CDC42BPB: variants seen among roughly 807,000 people sequenced by gnomAD.
CDC42BPB encodes CDC42 binding protein kinase beta, also known as serine/threonine-protein kinase MRCK beta.
In CDC42BPB, 37 loss-of-function variants were observed where a neutral mutation model predicts 214.9. That is an observed-to-expected ratio of 0.17 (90% confidence interval 0.13 to 0.23). CDC42BPB has a LOEUF of 0.23. CDC42BPB is among the 10% of genes least tolerant of loss of function. The pLI is 1.00. For missense variants in CDC42BPB, 1,694 were observed against 2,227.0 expected (o/e 0.76, Z 4.82); for synonymous variants, 931 against 884.0 (o/e 1.05, Z -0.94).
chr14:103,034,026 A>G (rs1402435261), intron 1 of CDC42BPB, among the ~76,000 whole-genome samples: 1 of 152,240 alleles, frequency 6.6e-6, no homozygotes, highest in African/African-American at 2.4e-5. Flanking sequence ...TTCAGTATTC[A>G]GCGTAACATA....
At chr14:102,979,848 G>T (rs1433734858) in intron 8 of CDC42BPB, among the ~76,000 whole-genome samples, 1 of 152,032 alleles carries the variant, frequency 6.6e-6, no homozygotes, top group Non-Finnish European at 1.5e-5. Context: ...GTGTCAAAGA[G>T]GCCCTGTCAG....
chr14:103,052,423 C>T (rs1281300073), intron 1 of CDC42BPB, among the ~76,000 whole-genome samples: 11 of 152,316 alleles, frequency 7.2e-5, no homozygotes, highest in Admixed American at 5.9e-4. Context: ...GGCACAGTGG[C>T]TCACGCCTGT....
chr14:102,967,530 C>T (rs1475940901), intron 16 of CDC42BPB, among the ~76,000 whole-genome samples: 1 of 152,246 alleles, frequency 6.6e-6, no homozygotes, highest in African/African-American at 2.4e-5. Context: ...CTTGCACACA[C>T]AGCGTGAATG....
At chr14:102,978,930 A>G (rs1893878255) in intron 8 of CDC42BPB, among the ~76,000 whole-genome samples, 1 of 152,188 alleles carries the variant, frequency 6.6e-6, no homozygotes, top group Admixed American at 6.5e-5. Context: ...TTGATTGAAT[A>G]TGGGAGGCTG....
intron 20 of CDC42BPB, among the ~76,000 whole-genome samples, chr14:102,960,770 G>A (rs761454233): frequency 1.1e-4 from 17 of 152,156 alleles, no homozygotes; most frequent in Non-Finnish European, 2.1e-4. Flanking sequence ...TTAATAACTG[G>A]TATTGGACAA....
At chr14:102,981,110 T>C (rs1238210874) in intron 7 of CDC42BPB, 89 bp from the exon 8 acceptor site, 16 of 1,570,816 alleles carry the variant, frequency 1.0e-5, no homozygotes, top group Non-Finnish European at 1.4e-5. Flanking sequence ...AAAGTAGAAA[T>C]GGTAGCTTCA....
rs755677490 is a variant in CDC42BPB at position 102,933,848 on chromosome 14, G to C, written c.5005-5C>G. The C allele has an allele frequency of 1.3e-6, 2 of 1,519,560 alleles. No homozygotes were observed. Among genetic ancestry groups the C allele is most frequent in the Non-Finnish European group, 1.8e-6 (2 of 1,140,794 alleles). The allele number at this position is 1,519,560 out of a possible 1,614,324, so 94.1% of individuals were successfully genotyped here. A position where few individuals can be genotyped will look rare whatever the true frequency, so the allele number is the denominator to read the frequency against. Reference sequence around the variant, plus strand: ...TTTGGTGGAGTCCGAATCAGGCTGTGAACAGGAAGAGGGCAGGGTGAGCAC... The same window carrying C: ...TTTGGTGGAGTCCGAATCAGGCTGTCAACAGGAAGAGGGCAGGGTGAGCAC... On this transcript the variant is annotated splice_region_variant and splice_polypyrimidine_tract_variant and intron_variant, in intron 36 of 36. Coordinates refer to ENST00000361246, the MANE Select transcript of CDC42BPB (RefSeq NM_006035.4).
intron 8 of CDC42BPB, among the ~76,000 whole-genome samples, chr14:102,980,489 C>CA (rs879366441): frequency 6.7e-4 from 93 of 139,758 alleles, no homozygotes; most frequent in South Asian, 1.1e-3. Flanking sequence ...AAGACTGTCT[C>CA]AAAAAAAAAA....
In CDC42BPB at chr14:102,944,467, A is replaced by T; in HGVS notation, c.3832T>A (p.Cys1278Ser). ...AGCTCGATCTGGTGTACCTTCTTACAGTCAGCGGCACGGACGATCACTGTG... is the reference window on the plus strand; with the variant it reads ...AGCTCGATCTGGTGTACCTTCTTACTGTCAGCGGCACGGACGATCACTGTG... ...TRDVIVRAAD[C>S]KKVHQIELAP... Residue 1278 changes from cysteine (C) to serine (S), a missense_variant, in exon 30 of 37, where the codon TGT becomes AGT. Coordinates refer to ENST00000361246, the MANE Select transcript of CDC42BPB (RefSeq NM_006035.4). The surrounding 1 kb of genome is among the most constrained non-coding windows in gnomAD (Gnocchi z 6.6). The T allele has an allele frequency of 6.2e-7, 1 of 1,611,982 alleles. No homozygotes were observed. Among genetic ancestry groups the T allele is most frequent in the Non-Finnish European group, 8.5e-7 (1 of 1,179,276 alleles).
intron 1 of CDC42BPB, among the ~76,000 whole-genome samples, chr14:103,031,156 A>T (rs1190521500): frequency 2.0e-5 from 3 of 151,980 alleles, no homozygotes; most frequent in Non-Finnish European, 2.9e-5. Flanking sequence ...GAAATGAAAT[A>T]AAAAAAGTAC....
chr14:102,934,968 T>C (rs1415192710), intron 36 of CDC42BPB, among the ~76,000 whole-genome samples: 16 of 145,494 alleles, frequency 1.1e-4, no homozygotes, highest in East Asian at 8.1e-4. Context: ...CGAGATCGCA[T>C]CACTGCATTC....
At chr14:102,982,552 T>C (rs752752888) in intron 7 of CDC42BPB, among the ~76,000 whole-genome samples, 14 of 152,208 alleles carry the variant, frequency 9.2e-5, no homozygotes, top group Non-Finnish European at 2.1e-4. Context: ...GTGGATTGCC[T>C]GAAGTCAGGA....
In CDC42BPB at chr14:102,954,273, G is replaced by T; in HGVS notation, c.2991C>A (p.Asp997Glu). The T allele has an allele frequency of 6.6e-7, 1 of 1,526,406 alleles. No individual in the cohort carries two copies. The highest frequency in any genetic ancestry group is 8.8e-7 in the Non-Finnish European group (1 of 1,139,332). 94.6% of individuals were successfully genotyped at this position (1,526,406 alleles called of 1,614,324 possible). Residue 997 changes from aspartate (D) to glutamate (E), a missense_variant and splice_region_variant, in exon 23 of 37, where the codon GAC becomes GAA. Physicochemically the swap from Asp to Glu is conservative, Grantham distance 45. Transcript: ENST00000361246. ...MSVAASEQQE[D>E]MARPPQRPSA... ...ATGGCCTCTGCGGGGGCCGAGCCAT[G>T]TCCTGGGAGACAAGCAGGACAGGTG...
Position 102,970,266 on chromosome 14 carries a change from A to G in CDC42BPB, c.1885-5T>C. On this transcript the variant is annotated splice_polypyrimidine_tract_variant and splice_region_variant and intron_variant, in intron 13 of 36. Coordinates refer to ENST00000361246, the MANE Select transcript of CDC42BPB (RefSeq NM_006035.4). Reference sequence around the variant, plus strand: ...ATCATCAAGCTGAGCTTCCAGCTACAAAAGGAAGATCCAGTTTCTATTAAC... The same window carrying G: ...ATCATCAAGCTGAGCTTCCAGCTACGAAAGGAAGATCCAGTTTCTATTAAC... The G allele has an allele frequency of 1.2e-6, 2 of 1,609,112 alleles. No individual in the cohort carries two copies. The highest frequency in any genetic ancestry group is 1.7e-6 in the Non-Finnish European group (2 of 1,177,564).
chr14:102,948,024 C>T lies in CDC42BPB; in HGVS notation c.3450-222G>A, dbSNP rs1019921718. On this transcript the variant is annotated intron_variant, in intron 26 of 36. Transcript: ENST00000361246. ...CTTAGGGATGCCGCAAGGGAAACCC[C>T]GGAGCCTCATCCCCACTGTGCTGGT... is the stretch of plus-strand genomic sequence containing the variant. 14 of 951,874 alleles carry T rather than the reference C, an allele frequency of 1.5e-5. No individual in the cohort carries two copies. In the Admixed American group the frequency reaches 1.9e-4, roughly 13 times the overall value. 59.0% of individuals were successfully genotyped at this position (951,874 alleles called of 1,614,324 possible). A position where few individuals can be genotyped will look rare whatever the true frequency, so the allele number is the denominator to read the frequency against.
Position 102,944,541 on chromosome 14 carries a change from G to A in CDC42BPB, c.3812-54C>T. 1 of 1,566,056 alleles carries A rather than the reference G, an allele frequency of 6.4e-7. No individual in the cohort carries two copies. Among genetic ancestry groups the A allele is most frequent in the Non-Finnish European group, 8.7e-7 (1 of 1,155,770 alleles). On this transcript the variant is annotated intron_variant, in intron 29 of 36. Transcript: ENST00000361246. The surrounding 1 kb of genome is among the most constrained non-coding windows in gnomAD (Gnocchi z 6.6). The stretch of plus-strand genomic sequence containing the variant: ...CCGACGGGACAGCCAGCAGCTCCCA[G>A]GGGCTGACGGCCTTGGCTAAAGACT...
chr14:102,954,172 G>A (rs774184948), intron 23 of CDC42BPB, 26 bp downstream of exon 23: 6 of 1,460,976 alleles, frequency 4.1e-6, no homozygotes, highest in African/African-American at 2.8e-5. Context: ...CTAAGAAGGC[G>A]CCCCGGGTGA....
At chr14:102,934,905 G>A (rs1891576902) in intron 36 of CDC42BPB, among the ~76,000 whole-genome samples, 1 of 151,518 alleles carries the variant, frequency 6.6e-6, no homozygotes, top group South Asian at 2.1e-4. Context: ...AGCTACTCGG[G>A]AGGCTGAGGC....
At chr14:102,995,304 A>G (rs1894677953) in intron 5 of CDC42BPB, among the ~76,000 whole-genome samples, 1 of 152,054 alleles carries the variant, frequency 6.6e-6, no homozygotes, top group Non-Finnish European at 1.5e-5. Context: ...CCTCCCGAGC[A>G]GCTGGGAGTA....
Sources: allele counts gnomAD v4.1 joint callset (sites outside exome capture counted in the v4.1 genomes callset), GRCh38; gene constraint gnomAD v4.1.1; non-coding constraint Gnocchi (gnomAD v3.1); transcripts MANE v1.5; gene names NCBI Gene and HGNC (gene_info 2026-07-23, HGNC 2026-07-21).